The following FCHSD2 variants were observed in gnomAD, a reference collection of about 807,000 sequenced individuals.
FCHSD2 encodes FCH and double SH3 domains 2.
Under a neutral mutation model 108.1 loss-of-function variants are expected in FCHSD2, and 38 were observed. That is an observed-to-expected ratio of 0.35 (90% CI 0.27 to 0.46). The LOEUF (loss-of-function observed/expected upper bound fraction) is 0.46. FCHSD2 is among the 20% of genes least tolerant of loss of function. The probability of loss-of-function intolerance (pLI) is 1.00; values close to 1 mark genes in which losing one functional copy is unlikely to be tolerated. For synonymous variants in FCHSD2, 279 were observed against 314.7 expected, an observed-to-expected ratio of 0.89 and a Z score of 1.20; for missense variants, 751 against 897.8, an observed-to-expected ratio of 0.84 and a Z score of 2.09.
chr11:73,111,584 G>GTT (rs934318901), intron 2 of FCHSD2, among the ~76,000 whole-genome samples: 11 of 151,484 alleles, frequency 7.3e-5, no homozygotes, highest in Non-Finnish European at 1.6e-4. Flanking sequence ...TGATTGAAGA[G>GTT]TTTAATCCAT....
At chr11:72,923,237 T>C (rs1856009069) in intron 8 of FCHSD2, among the ~76,000 whole-genome samples, 1 of 152,174 alleles carries the variant, frequency 6.6e-6, no homozygotes, top group Non-Finnish European at 1.5e-5. Flanking sequence ...AGTTAAAAAA[T>C]AAATAAATAA....
intron 9 of FCHSD2, among the ~76,000 whole-genome samples, chr11:72,919,681 T>C (rs1174682122): frequency 1.3e-5 from 2 of 152,188 alleles, no homozygotes; most frequent in Non-Finnish European, 2.9e-5. Context: ...TTTTATAAAC[T>C]AAGGGTAGTG....
rs61586562 is a variant in FCHSD2 at position 73,126,339 on chromosome 11, TAAAAAAAAAAAAA to T, written c.119+13679_119+13691del. On this transcript the variant is annotated intron_variant, in intron 2 of 19. Coordinates refer to ENST00000409418, the MANE Select transcript of FCHSD2 (RefSeq NM_014824.3). ...TGGGCAACAGGGCAAGATTCCATCTTAAAAAAAAAAAAAAAAAAAAAAAAAAAAAAATTCCACA... is the reference window on the plus strand; with the variant it reads ...TGGGCAACAGGGCAAGATTCCATCTTAAAAAAAAAAAAAAAAAATTCCACA... Among the ~76,000 whole-genome samples, 51 of 27,658 alleles carry T rather than the reference TAAAAAAAAAAAAA, an allele frequency of 1.8e-3. 1 individual carries two copies. Among genetic ancestry groups the T allele is most frequent in the Admixed American group, 0.011 (15 of 1,420 alleles). The allele number at this position is 27,658 out of a possible 152,430, so 18.1% of individuals were successfully genotyped here.
At chr11:72,842,935 T>A (rs1861006722) in intron 16 of FCHSD2, 94 bp from the exon 17 acceptor site, 2 of 1,003,326 alleles carry the variant, frequency 2.0e-6, no homozygotes, top group South Asian at 3.1e-5. Context: ...TAAAAGAGCA[T>A]CATACAGAAT....
At chr11:72,848,932 A>G (rs531738325) in intron 14 of FCHSD2, among the ~76,000 whole-genome samples, 3 of 152,334 alleles carry the variant, frequency 2.0e-5, no homozygotes, top group South Asian at 4.1e-4. Context: ...AACGATTTAC[A>G]TTGGAAAAAA....
In FCHSD2 at chr11:72,989,115, A is replaced by G. The variant is rs924451184; in HGVS notation, c.388-18T>C. ...TCCACACACTGTAAAATACAAAAGT[A>G]CAATCATTATGATTTTAGTTTTCAG... On this transcript the variant is annotated intron_variant, in intron 5 of 19. Coordinates refer to ENST00000409418, the MANE Select transcript of FCHSD2 (RefSeq NM_014824.3). 6.3e-7 allele frequency: 1 copy of G among 1,590,480 alleles called. No individual in the cohort carries two copies. The highest frequency in any genetic ancestry group is 1.8e-5 in the Admixed American group (1 of 56,404).
At chr11:72,852,505 A>C (rs1163535472) in intron 13 of FCHSD2, among the ~76,000 whole-genome samples, 3 of 152,154 alleles carry the variant, frequency 2.0e-5, no homozygotes, top group African/African-American at 7.2e-5. Context: ...GTCTCTACTA[A>C]AAATACAAAA....
chr11:73,081,391 G>A (rs1416801112), intron 3 of FCHSD2, among the ~76,000 whole-genome samples: 3 of 151,946 alleles, frequency 2.0e-5, no homozygotes, highest in East Asian at 1.9e-4. Flanking sequence ...CCAAGATGGC[G>A]CCACTGGACT....
intron 4 of FCHSD2, among the ~76,000 whole-genome samples, chr11:73,013,171 T>C (rs1044622616): frequency 6.6e-6 from 1 of 152,220 alleles, no homozygotes; most frequent in Admixed American, 6.5e-5. Flanking sequence ...GATGTATCCT[T>C]AATCTCCACC....
intron 8 of FCHSD2, among the ~76,000 whole-genome samples, chr11:72,972,915 G>C (rs927911650): frequency 6.6e-6 from 1 of 152,196 alleles, no homozygotes; most frequent in African/African-American, 2.4e-5. Context: ...AGGATTGTAA[G>C]CTGGCACTCT....
At chr11:72,899,151 T>C (rs537778361) in intron 10 of FCHSD2, among the ~76,000 whole-genome samples, 1 of 152,370 alleles carries the variant, frequency 6.6e-6, no homozygotes, top group South Asian at 2.1e-4. Flanking sequence ...GTAATGCCAT[T>C]AGAAAAATGT....
At chr11:72,868,108 T>C in intron 12 of FCHSD2, 82 bp from the exon 13 acceptor site, 3 of 1,291,530 alleles carry the variant, frequency 2.3e-6, no homozygotes, top group Non-Finnish European at 2.1e-6. Context: ...CAAATGCCCA[T>C]CAATGATCGA....
At chr11:72,966,164 A>G (rs950761497) in intron 8 of FCHSD2, among the ~76,000 whole-genome samples, 1 of 146,112 alleles carries the variant, frequency 6.8e-6, no homozygotes, top group African/African-American at 2.6e-5. Flanking sequence ...CTTTGAACTG[A>G]GCCTTTTTTT....
At chr11:73,140,602 C>T (rs1462662736) in intron 1 of FCHSD2, among the ~76,000 whole-genome samples, 2 of 152,220 alleles carry the variant, frequency 1.3e-5, no homozygotes, top group African/African-American at 2.4e-5. Context: ...ACATAAATTA[C>T]TCCATAATGG....
At chr11:73,022,431 G>T (rs1423609587) in intron 3 of FCHSD2, among the ~76,000 whole-genome samples, 1 of 152,156 alleles carries the variant, frequency 6.6e-6, no homozygotes, top group Non-Finnish European at 1.5e-5. Flanking sequence ...ACAATACAAC[G>T]TCAATATTCC....
intron 2 of FCHSD2, among the ~76,000 whole-genome samples, chr11:73,084,467 T>C (rs1859768880): frequency 1.3e-5 from 2 of 152,238 alleles, no homozygotes; most frequent in African/African-American, 2.4e-5. Flanking sequence ...CCTAGCCCAC[T>C]GCAGCCTTTA....
At chr11:73,056,822 C>T (rs113196005) in intron 3 of FCHSD2, among the ~76,000 whole-genome samples, 3 of 152,168 alleles carry the variant, frequency 2.0e-5, no homozygotes, top group African/African-American at 7.2e-5. Flanking sequence ...GTGGCTCACG[C>T]CTGTAATCCC....
intron 2 of FCHSD2, among the ~76,000 whole-genome samples, chr11:73,129,180 A>G (rs957450391): frequency 6.6e-6 from 1 of 152,108 alleles, no homozygotes; most frequent in African/African-American, 2.4e-5. Flanking sequence ...CAGAGACTCT[A>G]ATTTCTAAAT....
intron 11 of FCHSD2, among the ~76,000 whole-genome samples, chr11:72,889,312 T>A (rs1855265489): frequency 6.6e-6 from 1 of 152,186 alleles, no homozygotes; most frequent in South Asian, 2.1e-4. Flanking sequence ...CTTATATTAA[T>A]TCAACATATG....
Sources: gnomAD v4.1 joint callset for allele counts (sites outside exome capture counted in the v4.1 genomes callset) on GRCh38, gnomAD v4.1.1 for gene constraint, MANE v1.5 for transcripts, NCBI Gene and HGNC (gene_info 2026-07-23, HGNC 2026-07-21) for gene names.